The following SIDT1 variants were observed in gnomAD, a reference collection of about 807,000 sequenced individuals.
SIDT1 encodes SID1 transmembrane family, member 1.
A neutral mutation model predicts 107.5 loss-of-function variants in SIDT1; 101 were observed. The ratio of observed to expected loss-of-function variants is 0.94; its 90% CI spans 0.80 to 1.11. The LOEUF (loss-of-function observed/expected upper bound fraction) is 1.11. Ranked by LOEUF, SIDT1 falls within the 50% of genes least tolerant of loss-of-function variation. The pLI, the probability that SIDT1 is intolerant of heterozygous loss-of-function variation, is 0.00. For missense variants in SIDT1, 1,076 were observed against 1,058.2 expected (o/e 1.02, Z -0.23); for synonymous variants, 395 against 398.2 (o/e 0.99, Z 0.10).
At chr3:113,579,523 G>A (rs762038955) in intron 4 of SIDT1, among the ~76,000 whole-genome samples, 1 of 152,008 alleles carries the variant, frequency 6.6e-6, no homozygotes, top group Non-Finnish European at 1.5e-5. Flanking sequence ...TGGGGGTATT[G>A]CCATCTGTTA....
chr3:113,534,809 A>C (rs565824549), intron 1 of SIDT1, among the ~76,000 whole-genome samples: 5 of 152,212 alleles, frequency 3.3e-5, no homozygotes, highest in Non-Finnish European at 7.3e-5. Flanking sequence ...CTGCATAGAG[A>C]TAGAGCATCT....
intron 3 of SIDT1, among the ~76,000 whole-genome samples, chr3:113,574,154 G>A (rs924425084): frequency 1.2e-4 from 19 of 152,184 alleles, no homozygotes; most frequent in African/African-American, 4.3e-4. Context: ...AGGTAGAAAG[G>A]CAGATTAAAT....
chr3:113,577,246 G>A (rs1483751598), intron 4 of SIDT1, among the ~76,000 whole-genome samples: 1 of 152,170 alleles, frequency 6.6e-6, no homozygotes, highest in Non-Finnish European at 1.5e-5. Flanking sequence ...TGCCCACTAT[G>A]CACCAAGAAC....
At chr3:113,562,258 G>A (rs979220299) in intron 1 of SIDT1, among the ~76,000 whole-genome samples, 1 of 152,114 alleles carries the variant, frequency 6.6e-6, no homozygotes, top group East Asian at 1.9e-4. Context: ...TTGCTTGCTA[G>A]GTAAATTACT....
rs749240127 is a variant in SIDT1 at position 113,627,645 on chromosome 3, G to A, written c.2422-1G>A. 2.5e-6 allele frequency: 4 copies of A among 1,614,020 alleles called. No homozygotes were observed. The highest frequency in any genetic ancestry group is 4.5e-5 in the East Asian group (2 of 44,888). ...TCATTTCTCTGTCCCTCTCACTTCA[G>A]GTTTTGTTAACTTTGGATGATGACC... On this transcript the variant is annotated splice_acceptor_variant, in intron 24 of 24. Transcript: ENST00000264852. LOFTEE classifies it high-confidence loss of function.
At chr3:113,569,138 CAAAAAAA>C (rs780715523) in intron 3 of SIDT1, among the ~76,000 whole-genome samples, 3 of 55,488 alleles carry the variant, frequency 5.4e-5, no homozygotes, top group African/African-American at 2.1e-4. Flanking sequence ...GACTCCCTCT[CAAAAAAA>C]AAAAAAAAAA....
chr3:113,619,154 C>T (rs987340899), intron 20 of SIDT1, among the ~76,000 whole-genome samples: 2 of 152,168 alleles, frequency 1.3e-5, no homozygotes, highest in East Asian at 3.9e-4. Flanking sequence ...CCTTTTCTCC[C>T]TATTTTCTCC....
intron 1 of SIDT1, among the ~76,000 whole-genome samples, chr3:113,563,872 G>A (rs909318526): frequency 2.6e-5 from 4 of 152,216 alleles, no homozygotes; most frequent in Non-Finnish European, 4.4e-5. Flanking sequence ...AGAAGGCTTC[G>A]TGACTTAGAG....
rs553641614 is a variant in SIDT1 at position 113,561,048 on chromosome 3, A to C, written c.223-5372A>C. 1.7e-4 allele frequency among the ~76,000 whole-genome samples: 26 copies of C among 152,330 alleles called. No individual in the cohort carries two copies. In the South Asian group the frequency reaches 5.4e-3, roughly 32 times the overall value. Reference sequence around the variant, plus strand: ...GTTCTTGTTGTCATGACAACAGGAAAAAGCAACAAGAGGAAAAATCTTAGC... The same window carrying C: ...GTTCTTGTTGTCATGACAACAGGAACAAGCAACAAGAGGAAAAATCTTAGC... On this transcript the variant is annotated intron_variant, in intron 1 of 24. Coordinates refer to ENST00000264852, the MANE Select transcript of SIDT1 (RefSeq NM_017699.3).
At chr3:113,631,143 T>C (rs1480888140), downstream of SIDT1, among the ~76,000 whole-genome samples, 2 of 152,208 alleles carry the variant, frequency 1.3e-5, no homozygotes, top group Non-Finnish European at 2.9e-5. Context: ...GTTTATAATG[T>C]GACACCTCAT....
chr3:113,588,109 C>T (rs145140756), intron 9 of SIDT1, among the ~76,000 whole-genome samples: 8 of 152,164 alleles, frequency 5.3e-5, no homozygotes, highest in Admixed American at 2.0e-4. Context: ...ACAAGTTAAG[C>T]TAATAGCTGG....
At chr3:113,620,702 G>T (rs920775472) in intron 21 of SIDT1, among the ~76,000 whole-genome samples, 1 of 152,060 alleles carries the variant, frequency 6.6e-6, no homozygotes, top group Non-Finnish European at 1.5e-5. Context: ...CCTTTACTTG[G>T]GGGCAGGTCA....
At chr3:113,534,271 G>T (rs1361258731) in intron 1 of SIDT1, among the ~76,000 whole-genome samples, 2 of 152,152 alleles carry the variant, frequency 1.3e-5, no homozygotes. Flanking sequence ...CTCCAGATCG[G>T]AACTAGAAAA....
Position 113,576,970 on chromosome 3 carries a change from A to T in SIDT1, c.561+3A>T. ...CTGCCAGCCCCTCTCAACCTCAGGTAAGTGAAGGGGTTCCAAGAGTTATCA... is the reference window on the plus strand; with the variant it reads ...CTGCCAGCCCCTCTCAACCTCAGGTTAGTGAAGGGGTTCCAAGAGTTATCA... On this transcript the variant is annotated splice_donor_region_variant and intron_variant, in intron 4 of 24. Transcript: ENST00000264852. 2 of 1,614,066 alleles carry T rather than the reference A, an allele frequency of 1.2e-6. No homozygotes were observed. Among genetic ancestry groups the T allele is most frequent in the Non-Finnish European group, 8.5e-7 (1 of 1,179,882 alleles).
chr3:113,604,961 C>CATT lies in SIDT1; in HGVS notation c.1391_1393dup (p.Ile464dup). 3 of 1,614,006 alleles carry CATT rather than the reference C, an allele frequency of 1.9e-6. No individual in the cohort carries two copies. The East Asian group carries it at 6.7e-5, about 36-fold the overall frequency. On this transcript the variant is annotated inframe_insertion, in exon 14 of 25. Coordinates refer to ENST00000264852, the MANE Select transcript of SIDT1 (RefSeq NM_017699.3). ...ACGCGCTGCCCGTGATCCAGCTGGT[C>CATT]ATTACCTATCAGACAGTAAGTGCTG...
At chr3:113,544,701 CA>C (rs1222643183) in intron 1 of SIDT1, among the ~76,000 whole-genome samples, 5 of 152,210 alleles carry the variant, frequency 3.3e-5, no homozygotes, top group African/African-American at 1.2e-4. Context: ...TGCGTCGTAT[CA>C]GGGGCACATG....
chr3:113,558,359 C>T (rs1367589882), intron 1 of SIDT1, among the ~76,000 whole-genome samples: 1 of 152,166 alleles, frequency 6.6e-6, no homozygotes, highest in African/African-American at 2.4e-5. Flanking sequence ...TTTTTTCTCA[C>T]CCTGATCCTC....
At chr3:113,552,274 A>G (rs1406803976) in intron 1 of SIDT1, among the ~76,000 whole-genome samples, 3 of 152,140 alleles carry the variant, frequency 2.0e-5, no homozygotes, top group African/African-American at 7.2e-5. Context: ...GAGTCAGACA[A>G]TGTTCCTCTG....
At chr3:113,601,555 A>T in intron 10 of SIDT1, 33 bp from the exon 11 acceptor site, 1 of 1,495,248 alleles carries the variant, frequency 6.7e-7, no homozygotes, top group Non-Finnish European at 9.3e-7. Context: ...GCAACTGGAC[A>T]TAAAGTGTTT....
Sources: allele counts gnomAD v4.1 joint callset (sites outside exome capture counted in the v4.1 genomes callset), GRCh38; gene constraint gnomAD v4.1.1; transcripts MANE v1.5; gene names NCBI Gene and HGNC (gene_info 2026-07-23, HGNC 2026-07-21).